The following RNF175 variants were observed in gnomAD, a reference collection of about 807,000 sequenced individuals.
RNF175 encodes ring finger protein 175.
RNF175 carries 38 observed loss-of-function variants against 50.0 expected under a neutral mutation model. The observed-to-expected ratio is 0.76, with a 90% CI of 0.59 to 1.00. The LOEUF is 1.00. RNF175 is among the 50% of genes least tolerant of loss of function. The probability of loss-of-function intolerance (pLI) is 0.00; values close to 1 mark genes in which losing one functional copy is unlikely to be tolerated. For missense variants in RNF175, 388 were observed against 409.6 expected, an observed-to-expected ratio of 0.95 and a Z score of 0.46; for synonymous variants, 155 against 146.1, an observed-to-expected ratio of 1.06 and a Z score of -0.44.
intron 3 of RNF175, among the ~76,000 whole-genome samples, chr4:153,740,456 G>A (rs1298083824): frequency 2.0e-5 from 3 of 152,054 alleles, no homozygotes; most frequent in African/African-American, 7.2e-5. Flanking sequence ...TTTGCAGTGA[G>A]AACATTTAAA....
chr4:153,759,048 T>C (rs1039483153), intron 1 of RNF175, among the ~76,000 whole-genome samples: 2 of 152,210 alleles, frequency 1.3e-5, no homozygotes, highest in African/African-American at 2.4e-5. Flanking sequence ...TTAAGAGTTA[T>C]TTTTGTCCTC....
intron 1 of RNF175, among the ~76,000 whole-genome samples, chr4:153,757,334 C>T (rs903090414): frequency 1.3e-5 from 2 of 152,220 alleles, no homozygotes; most frequent in African/African-American, 4.8e-5. Flanking sequence ...GCATGGCACA[C>T]TCAATGTGTT....
At chr4:153,747,613 G>A (rs752116466) in intron 3 of RNF175, among the ~76,000 whole-genome samples, 2 of 152,212 alleles carry the variant, frequency 1.3e-5, no homozygotes, top group South Asian at 2.1e-4. Context: ...TTAAGTGATC[G>A]CTAAAAAGTT....
At chr4:153,718,222 G>GTTTTTTTT (rs1460898288) in intron 6 of RNF175, among the ~76,000 whole-genome samples, 787 of 37,422 alleles carry the variant, frequency 0.021, 189 homozygotes, top group African/African-American at 0.026. Context: ...TTTTTTGTTT[G>GTTTTTTTT]TTTGTTTGTT....
chr4:153,753,379 G>A (rs1740393886), intron 1 of RNF175, among the ~76,000 whole-genome samples: 1 of 152,152 alleles, frequency 6.6e-6, no homozygotes, highest in Non-Finnish European at 1.5e-5. Flanking sequence ...GCATGTGGAG[G>A]GAGAGTAGAG....
intron 1 of RNF175, among the ~76,000 whole-genome samples, chr4:153,754,936 A>G (rs1740489403): frequency 6.6e-6 from 1 of 151,934 alleles, no homozygotes; most frequent in Non-Finnish European, 1.5e-5. Flanking sequence ...GTGAGATAAT[A>G]CATTTTTTTG....
chr4:153,712,375 C>A (rs563762189), intron 8 of RNF175, 100 bp downstream of exon 8: 1 of 776,202 alleles, frequency 1.3e-6, no homozygotes, highest in Admixed American at 2.6e-5. Flanking sequence ...AAAAAATTTT[C>A]TGCTGGAACT....
intron 6 of RNF175, among the ~76,000 whole-genome samples, chr4:153,719,217 G>C (rs567909268): frequency 6.6e-6 from 1 of 152,296 alleles, no homozygotes; most frequent in Non-Finnish European, 1.5e-5. Context: ...TCAGTTTTCT[G>C]TTCCTGTGTT....
chr4:153,748,795 A>C lies in RNF175; in HGVS notation c.105-9T>G, dbSNP rs542861341. 6.2e-7 allele frequency: 1 copy of C among 1,610,244 alleles called. No individual in the cohort carries two copies. The highest frequency in any genetic ancestry group is 1.1e-5 in the South Asian group (1 of 90,230). ...TCCTCTCCTGCTGCAGGCTGGAACC[A>C]GCAAAATGAGGTCATCTGAAAAAGC... On this transcript the variant is annotated splice_polypyrimidine_tract_variant and intron_variant, in intron 2 of 8. Coordinates refer to ENST00000347063, the MANE Select transcript of RNF175 (RefSeq NM_173662.4).
At chr4:153,753,555 TCTCTC>T (rs1182744136) in intron 1 of RNF175, among the ~76,000 whole-genome samples, 3 of 144,092 alleles carry the variant, frequency 2.1e-5, no homozygotes, top group African/African-American at 8.1e-5. Context: ...TCTCTCTCTC[TCTCTC>T]TTTTTTTTTT....
chr4:153,742,231 G>A (rs910402497), intron 3 of RNF175, among the ~76,000 whole-genome samples: 3 of 136,834 alleles, frequency 2.2e-5, no homozygotes, highest in Non-Finnish European at 4.5e-5. Flanking sequence ...CCGAGATCAT[G>A]CCACTGCACT....
chr4:153,728,160 A>G, intron 4 of RNF175, 47 bp downstream of exon 4: 1 of 1,451,528 alleles, frequency 6.9e-7, no homozygotes. Context: ...GCTTTGTAAT[A>G]TTTAAAATAA....
At chr4:153,718,530 G>C (rs1267222852) in intron 6 of RNF175, among the ~76,000 whole-genome samples, 3 of 152,088 alleles carry the variant, frequency 2.0e-5, no homozygotes, top group Non-Finnish European at 4.4e-5. Flanking sequence ...CAGGTGAGAA[G>C]TTTCCCAAAA....
intron 8 of RNF175, among the ~76,000 whole-genome samples, chr4:153,711,869 G>C (rs1579021914): frequency 6.6e-6 from 1 of 152,126 alleles, no homozygotes; most frequent in African/African-American, 2.4e-5. Flanking sequence ...AAATCTCAGT[G>C]GCTGCCAGAA....
intron 3 of RNF175, among the ~76,000 whole-genome samples, chr4:153,733,539 C>T (rs1299706647): frequency 2.6e-5 from 4 of 152,176 alleles, no homozygotes; most frequent in Non-Finnish European, 5.9e-5. Flanking sequence ...AAGTGGAATA[C>T]AGTACTTTTT....
At chr4:153,744,601 AT>A (rs1246182204) in intron 3 of RNF175, among the ~76,000 whole-genome samples, 8 of 152,218 alleles carry the variant, frequency 5.3e-5, no homozygotes, top group Non-Finnish European at 8.8e-5. Context: ...ATAATGATTA[AT>A]TTTAAAGAAA....
At chr4:153,753,558 CTCTT>C (rs1313365522) in intron 1 of RNF175, among the ~76,000 whole-genome samples, 2 of 144,070 alleles carry the variant, frequency 1.4e-5, no homozygotes, top group African/African-American at 5.3e-5. Context: ...CTCTCTCTCT[CTCTT>C]TTTTTTTTTC....
intron 6 of RNF175, among the ~76,000 whole-genome samples, chr4:153,717,479 A>G (rs987045988): frequency 5.9e-5 from 9 of 152,044 alleles, no homozygotes; most frequent in Non-Finnish European, 1.3e-4. Context: ...CTCTTAGCTG[A>G]CAGAACAAGG....
At chr4:153,724,686 A>C (rs1175920435) in intron 4 of RNF175, among the ~76,000 whole-genome samples, 1 of 152,106 alleles carries the variant, frequency 6.6e-6, no homozygotes, top group African/African-American at 2.4e-5. Context: ...ATATGATTTT[A>C]ATAGGTGCTC....
Sources: gnomAD v4.1 joint callset for allele counts (sites outside exome capture counted in the v4.1 genomes callset) on GRCh38, gnomAD v4.1.1 for gene constraint, MANE v1.5 for transcripts, NCBI Gene and HGNC (gene_info 2026-07-23, HGNC 2026-07-21) for gene names.